The following NEB variants were observed in gnomAD, a reference collection of about 807,000 sequenced individuals.
NEB encodes the protein nemaline myopathy type 2.
NEB carries 512 observed loss-of-function variants against 952.2 expected under a neutral mutation model. That is an observed-to-expected ratio of 0.54 (90% CI 0.50 to 0.58). The LOEUF (loss-of-function observed/expected upper bound fraction) is 0.58. NEB is among the 20% of genes least tolerant of loss of function. The pLI, the probability that NEB is intolerant of heterozygous loss-of-function variation, is 0.00. For synonymous variants in NEB, 2,900 were observed against 3,149.8 expected, an observed-to-expected ratio of 0.92 and a Z score of 2.66; for missense variants, 8,428 against 9,231.1, an observed-to-expected ratio of 0.91 and a Z score of 3.56.
rs531377534 is a variant in NEB at position 151,706,481 on chromosome 2, T to C, written c.1152+400A>G. 3.9e-5 allele frequency among the ~76,000 whole-genome samples: 6 copies of C among 152,318 alleles called. No individual in the cohort carries two copies. In the South Asian group the frequency reaches 6.2e-4, roughly 16 times the overall value. On this transcript the variant is annotated intron_variant, in intron 13 of 181. Coordinates refer to ENST00000397345, the MANE Select transcript of NEB (RefSeq NM_001164508.2). ...CCTGTGAAGACTTAGGGGCCCATCT[T>C]TTAAGTTCTGTTGTTGGCAAATGAT...
chr2:151,612,521 A>T (rs2098022910), intron 77 of NEB, 132 bp from the exon 78 acceptor site: 5 of 912,440 alleles, frequency 5.5e-6, no homozygotes, highest in Non-Finnish European at 5.0e-6. Context: ...GACCCACAGG[A>T]TTGCTTTACT....
chr2:151,684,402 T>C (rs1049918467), intron 28 of NEB, among the ~76,000 whole-genome samples: 24 of 152,172 alleles, frequency 1.6e-4, no homozygotes, highest in Admixed American at 5.2e-4. Context: ...ATGATGAATG[T>C]GATGATTATG....
chr2:151,672,295 G>T, intron 37 of NEB, 74 bp downstream of exon 37: 1 of 1,338,520 alleles, frequency 7.5e-7, no homozygotes, highest in East Asian at 2.4e-5. Flanking sequence ...ACTGTAGTAT[G>T]AAGTCTAATA....
At position 151,679,797 on chromosome 2, in the gene NEB, C is replaced by T. The variant is rs752912604; in HGVS notation, c.3179G>A (p.Ser1060Asn). The T allele has an allele frequency of 1.9e-6, 3 of 1,613,840 alleles. No individual in the cohort carries two copies. The highest frequency in any genetic ancestry group is 4.5e-5 in the East Asian group (2 of 44,876). Residue 1060 changes from serine to asparagine, a missense_variant, in exon 32 of 182, where the codon AGC (serine) becomes AAC (asparagine). Physicochemically the swap from Ser to Asn is conservative, Grantham distance 46 (BLOSUM62 1). Coordinates refer to ENST00000397345, the MANE Select transcript of NEB (RefSeq NM_001164508.2). ...NMYKADLKDL[S>N]KKGYDLRTDA... ...AGTTCTCAGGTCATATCCCTTCTTG[C>T]TCAAGTCTTTCAAGTCTGCTTTGTA...
intron 105 of NEB, among the ~76,000 whole-genome samples, 166 bp from the exon 106 acceptor site, chr2:151,576,520 T>A (rs1284352527): frequency 3.0e-3 from 90 of 29,594 alleles, no homozygotes; most frequent in East Asian, 9.0e-3. Flanking sequence ...ATATATATTT[T>A]TTTTTTTTTT....
At chr2:151,540,844 T>C (rs2093945256) in intron 136 of NEB, 43 bp from the exon 137 acceptor site, 1 of 1,481,850 alleles carries the variant, frequency 6.7e-7, no homozygotes, top group Non-Finnish European at 9.4e-7. Flanking sequence ...GATAAAGCAT[T>C]TAGTATTTAG....
rs192871991 is a variant in NEB, at chr2:151,519,834, T to A, written c.22480-66A>T. On this transcript the variant is annotated intron_variant, in intron 153 of 181. Transcript: ENST00000397345. ...AATCAATTTGGGAATTGGGGAATAG[T>A]AGAAACACAAATGCCAAAGAATATG... 3.8e-6 allele frequency: 4 copies of A among 1,057,950 alleles called. No individual in the cohort carries two copies. The African/African-American group carries it at 6.2e-5, about 16-fold the overall frequency. 65.5% of individuals were successfully genotyped at this position (1,057,950 alleles called of 1,614,324 possible).
chr2:151,496,209 A>ATTATT (rs2060069341), intron 173 of NEB, 67 bp downstream of exon 173: 1 of 1,417,748 alleles, frequency 7.1e-7, no homozygotes, highest in Non-Finnish European at 9.7e-7. Context: ...ATTAATATGT[A>ATTATT]TTATTTTAAA....
At position 151,727,807 on chromosome 2, in the gene NEB, G is replaced by A; in HGVS notation, c.178C>T (p.Pro60Ser). 6.3e-6 allele frequency: 10 copies of A among 1,599,146 alleles called. No homozygotes were observed. The highest frequency in any genetic ancestry group is 8.5e-6 in the Non-Finnish European group (10 of 1,174,006). Residue 60 changes from proline (P) to serine (S), a missense_variant, in exon 5 of 182, where the codon CCA (proline) becomes TCA (serine). Around this residue, in one of 11 missense-constraint regions of NEB, gnomAD observed 2,851 missense variants for 2,791.5 expected, o/e 1.02. Transcript: ENST00000397345. ...CTCTCCACCGGCTTTGCTGATGCTG[G>A]CTGTGCCAGTGCTGGCTGTGCCAGA... ...PALAQPALAQ[P>S]ASAKPVERRK...
Position 151,614,315 on chromosome 2 carries a change from G to A in NEB, c.11562C>T (p.Asp3854=), listed in dbSNP as rs376268872. 39 of 1,613,746 alleles carry A rather than the reference G, an allele frequency of 2.4e-5. No individual in the cohort carries two copies. The Middle Eastern group carries it at 4.9e-4, about 20-fold the overall frequency. Residue 3854 remains aspartate (D), a synonymous_variant, in exon 77 of 182, where the codon GAC becomes GAT. Transcript: ENST00000397345. ...HEWTCLPDQN[D]VIQARKAYDL... is the part of the protein sequence containing the mutation. ...CATAGGCCTTCCGAGCCTGAATGAC[G>A]TCATTCTGATCAGGCAGGCAGGTCC...
At chr2:151,624,974 T>A (rs991371967) in intron 71 of NEB, among the ~76,000 whole-genome samples, 1 of 152,204 alleles carries the variant, frequency 6.6e-6, no homozygotes, top group Non-Finnish European at 1.5e-5. Flanking sequence ...TCAGTTCTTG[T>A]AAATAAAGCT....
intron 37 of NEB, among the ~76,000 whole-genome samples, chr2:151,671,685 T>C (rs1304979116): frequency 1.3e-5 from 2 of 152,232 alleles, no homozygotes; most frequent in Non-Finnish European, 2.9e-5. Flanking sequence ...GCTTTCCTTT[T>C]GATTCCACTG....
chr2:151,668,683 T>C (rs568869829), intron 39 of NEB, among the ~76,000 whole-genome samples: 3 of 152,304 alleles, frequency 2.0e-5, no homozygotes, highest in African/African-American at 7.2e-5. Context: ...TTTTAATAAA[T>C]AATTAAAAGT....
intron 29 of NEB, among the ~76,000 whole-genome samples, chr2:151,682,312 G>A (rs1394138576): frequency 6.6e-6 from 1 of 152,100 alleles, no homozygotes; most frequent in Non-Finnish European, 1.5e-5. Flanking sequence ...TTGTCAAAGT[G>A]TACACTTAAT....
rs374904427 is a variant in NEB, at chr2:151,526,313, A to C, written c.21946-51T>G. 4.0e-6 allele frequency: 5 copies of C among 1,240,002 alleles called. No individual in the cohort carries two copies. In the African/African-American group the frequency reaches 5.9e-5, roughly 15 times the overall value. 76.8% of individuals were successfully genotyped at this position (1,240,002 alleles called of 1,614,324 possible). ...TCTTTAGCTCTGCTGGATATCCTAC[A>C]TATTTTTATTACACCCTCAAACCAG... is the stretch of plus-strand genomic sequence containing the variant. On this transcript the variant is annotated intron_variant, in intron 148 of 181. Transcript: ENST00000397345.
At chr2:151,681,630 T>A (rs2099414537) in intron 29 of NEB, among the ~76,000 whole-genome samples, 1 of 152,062 alleles carries the variant, frequency 6.6e-6, no homozygotes, top group Non-Finnish European at 1.5e-5. Context: ...GAACAAGAAG[T>A]AAAACTTGAG....
rs1187216386 is a variant in NEB at position 151,694,445 on chromosome 2, A to T, written c.1783-9T>A. ...TCTTTCTTGTACATCACCTGCAAAGACATCACACATGCCAGATTCCACTCA... is the reference window on the plus strand; with the variant it reads ...TCTTTCTTGTACATCACCTGCAAAGTCATCACACATGCCAGATTCCACTCA... On this transcript the variant is annotated splice_polypyrimidine_tract_variant and intron_variant, in intron 19 of 181. Transcript: ENST00000397345. The T allele has an allele frequency of 2.5e-6, 4 of 1,613,196 alleles. No homozygotes were observed. The highest frequency in any genetic ancestry group is 1.1e-5 in the South Asian group (1 of 91,044).
In NEB at chr2:151,565,256, T is replaced by C. The variant is rs1304572736; in HGVS notation, c.18367-108A>G. On this transcript the variant is annotated intron_variant, in intron 116 of 181. Transcript: ENST00000397345. Reference sequence around the variant, plus strand: ...CGTTTAAAGATTAAAACTAACCAACTGGTTGAATTTTAGCCCATTTTAGCT... The same window carrying C: ...CGTTTAAAGATTAAAACTAACCAACCGGTTGAATTTTAGCCCATTTTAGCT... 13 of 711,102 alleles carry C rather than the reference T, an allele frequency of 1.8e-5. No homozygotes were observed. The East Asian group carries it at 2.4e-4, about 13-fold the overall frequency. 44.0% of individuals were successfully genotyped at this position (711,102 alleles called of 1,614,324 possible). A position where few individuals can be genotyped will look rare whatever the true frequency, so the allele number is the denominator to read the frequency against.
chr2:151,517,802 C>A (rs1376782365), intron 156 of NEB, among the ~76,000 whole-genome samples: 1 of 152,204 alleles, frequency 6.6e-6, no homozygotes, highest in Non-Finnish European at 1.5e-5. Context: ...TAAAATGGTA[C>A]ACCTGCATAG....
Sources: gnomAD v4.1 joint callset for allele counts (sites outside exome capture counted in the v4.1 genomes callset) on GRCh38, gnomAD v4.1.1 for gene constraint, gnomAD v4.1.1 regional missense constraint, MANE v1.5 for transcripts, NCBI Gene and HGNC (gene_info 2026-07-23, HGNC 2026-07-21) for gene names.